LGR4: variants seen among roughly 807,000 people sequenced by gnomAD.
LGR4 encodes the protein leucine-rich repeat-containing G protein-coupled receptor 4.
A neutral mutation model predicts 84.8 loss-of-function variants in LGR4; 44 were observed. The ratio of observed to expected loss-of-function variants is 0.52; its 90% CI spans 0.41 to 0.67. The LOEUF (loss-of-function observed/expected upper bound fraction) is 0.67. LGR4 is among the 30% of genes least tolerant of loss of function. LGR4 has a pLI of 0.00. For missense variants in LGR4, 1,032 were observed against 1,131.4 expected (o/e 0.91, Z 1.26); for synonymous variants, 429 against 434.3 (o/e 0.99, Z 0.15).
intron 1 of LGR4, among the ~76,000 whole-genome samples, chr11:27,455,728 G>A (rs893697897): frequency 8.5e-5 from 13 of 152,080 alleles, no homozygotes; most frequent in East Asian, 1.9e-4. Context: ...ATGGATGAAC[G>A]CCTACATTTA....
At chr11:27,369,963 C>G (rs1229775660) in intron 17 of LGR4, among the ~76,000 whole-genome samples, 1 of 152,140 alleles carries the variant, frequency 6.6e-6, no homozygotes, top group Non-Finnish European at 1.5e-5. Flanking sequence ...CAATAAAATC[C>G]TACATAATAC....
rs182935585 is a variant in LGR4 at position 27,420,441 on chromosome 11, T to A, written c.186-7581A>T. ...AGAGGAACAAAACAAGTAAATACTA[T>A]GACGTGTGACTCAGCAAGTGAAGAT... On this transcript the variant is annotated intron_variant, in intron 1 of 17. Coordinates refer to ENST00000379214, the MANE Select transcript of LGR4 (RefSeq NM_018490.5). Among the ~76,000 whole-genome samples, 72 of 152,246 alleles carry A rather than the reference T, an allele frequency of 4.7e-4. 1 individual carries two copies. The highest frequency in any genetic ancestry group is 1.5e-3 in the African/African-American group (62 of 41,540).
chr11:27,375,998 C>T (rs552000856), intron 13 of LGR4, among the ~76,000 whole-genome samples: 8 of 137,208 alleles, frequency 5.8e-5, no homozygotes, highest in South Asian at 4.5e-4. Context: ...TTTTTTGAGA[C>T]GGAGTTTCAC....
chr11:27,371,473 CA>C, intron 17 of LGR4, 141 bp downstream of exon 17: 1 of 534,534 alleles, frequency 1.9e-6, no homozygotes. Context: ...GGCTGGTACG[CA>C]AAGCACAAAA....
intron 1 of LGR4, among the ~76,000 whole-genome samples, chr11:27,460,083 C>G (rs1457493074): frequency 6.6e-6 from 1 of 151,922 alleles, no homozygotes; most frequent in African/African-American, 2.4e-5. Flanking sequence ...GAACAAGACT[C>G]CGTCTCAAAA....
chr11:27,428,706 G>A (rs1864066558), intron 1 of LGR4, among the ~76,000 whole-genome samples: 1 of 152,092 alleles, frequency 6.6e-6, no homozygotes, highest in Non-Finnish European at 1.5e-5. Flanking sequence ...GAATGTTACT[G>A]ATTAGAGGTT....
intron 2 of LGR4, among the ~76,000 whole-genome samples, chr11:27,402,868 C>T (rs1262830699): frequency 2.0e-5 from 3 of 152,162 alleles, no homozygotes; most frequent in African/African-American, 7.2e-5. Context: ...ACACAGTCAT[C>T]TAGTGATCTT....
At chr11:27,450,055 T>C (rs1343094858) in intron 1 of LGR4, among the ~76,000 whole-genome samples, 2 of 152,238 alleles carry the variant, frequency 1.3e-5, no homozygotes, top group African/African-American at 4.8e-5. Context: ...ATGAATGTGA[T>C]ATTCTGCTTT....
intron 1 of LGR4, among the ~76,000 whole-genome samples, chr11:27,428,997 T>C (rs1864071210): frequency 6.6e-6 from 1 of 152,166 alleles, no homozygotes; most frequent in Non-Finnish European, 1.5e-5. Flanking sequence ...TGTTGGGTCA[T>C]GTGATGTTAT....
At chr11:27,456,381 A>G (rs1175919786) in intron 1 of LGR4, among the ~76,000 whole-genome samples, 1 of 152,210 alleles carries the variant, frequency 6.6e-6, no homozygotes. Context: ...ACTAAATGAA[A>G]TGCCTTGGGG....
chr11:27,368,495 G>C lies in LGR4; in HGVS notation c.2228C>G (p.Ser743Cys), dbSNP rs780003296. Residue 743 changes from serine (S) to cysteine (C), a missense_variant, in exon 18 of 18, where the codon TCT (serine) becomes TGT (cysteine). Physicochemically the swap from Ser to Cys is moderately radical, Grantham distance 112. Transcript: ENST00000379214. ...CCAAGCGACATGCTTAATCATGCTA[G>C]ATTGTGAGTTTTCTGAGAGGTCCTC... ...EKEDLSENSQSSMIKHVAWLI... is the reference protein window; with the variant it reads ...EKEDLSENSQCSMIKHVAWLI... 2 of 1,614,214 alleles carry C rather than the reference G, an allele frequency of 1.2e-6. No individual in the cohort carries two copies. Among genetic ancestry groups the C allele is most frequent in the African/African-American group, 1.3e-5 (1 of 75,058 alleles).
intron 2 of LGR4, among the ~76,000 whole-genome samples, chr11:27,398,565 A>G (rs996309810): frequency 2.0e-5 from 3 of 152,220 alleles, no homozygotes; most frequent in African/African-American, 7.2e-5. Flanking sequence ...ATGAGGATTC[A>G]GTGGCTTTCA....
intron 13 of LGR4, among the ~76,000 whole-genome samples, chr11:27,375,999 G>A (rs1248287543): frequency 1.4e-5 from 2 of 145,260 alleles, no homozygotes; most frequent in South Asian, 2.2e-4. Flanking sequence ...TTTTTGAGAC[G>A]GAGTTTCACT....
chr11:27,438,750 G>C (rs1864252860), intron 1 of LGR4, among the ~76,000 whole-genome samples: 1 of 152,058 alleles, frequency 6.6e-6, no homozygotes, highest in Non-Finnish European at 1.5e-5. Context: ...CTGAGACTTT[G>C]GCCTTCTGAC....
chr11:27,402,281 C>T (rs924891741), intron 2 of LGR4, among the ~76,000 whole-genome samples: 4 of 152,188 alleles, frequency 2.6e-5, no homozygotes, highest in African/African-American at 9.7e-5. Flanking sequence ...CTGAGAAAGA[C>T]AGCTCTACTC....
At chr11:27,402,419 G>A (rs1255858385) in intron 2 of LGR4, among the ~76,000 whole-genome samples, 1 of 151,854 alleles carries the variant, frequency 6.6e-6, no homozygotes, top group East Asian at 1.9e-4. Context: ...AGAAAGTAAG[G>A]AGATACCCTG....
chr11:27,399,624 A>G (rs988119134), intron 2 of LGR4, among the ~76,000 whole-genome samples: 1 of 151,608 alleles, frequency 6.6e-6, no homozygotes, highest in Non-Finnish European at 1.5e-5. Flanking sequence ...GGTTCAAGCA[A>G]TTCTCCTGCC....
intron 1 of LGR4, among the ~76,000 whole-genome samples, chr11:27,434,624 T>C (rs775480225): frequency 6.6e-6 from 1 of 152,168 alleles, no homozygotes; most frequent in African/African-American, 2.4e-5. Context: ...CTAAACGCAG[T>C]GGCTAAAGAC....
Position 27,368,183 on chromosome 11 carries a change from A to G in LGR4, c.2540T>C (p.Met847Thr), listed in dbSNP as rs532791432. The G allele has an allele frequency of 4.5e-5, 73 of 1,614,234 alleles. No homozygotes were observed. The South Asian group carries it at 6.8e-4, about 15-fold the overall frequency. The change falls in exon 18 of 18, where the codon ATG becomes ACG. Residue 847 changes from methionine to threonine, a missense_variant. Coordinates refer to ENST00000379214, the MANE Select transcript of LGR4 (RefSeq NM_018490.5). ...LEQDFYYDCG[M>T]YSHLQGNLTV... ...CAGGTTGCCCTGCAAATGTGAGTACATGCCACAGTCGTAGTAGAAATCCTG... is the reference window on the plus strand; with the variant it reads ...CAGGTTGCCCTGCAAATGTGAGTACGTGCCACAGTCGTAGTAGAAATCCTG...
Sources: gnomAD v4.1 joint callset for allele counts (sites outside exome capture counted in the v4.1 genomes callset) on GRCh38, gnomAD v4.1.1 for gene constraint, MANE v1.5 for transcripts, NCBI Gene and HGNC (gene_info 2026-07-23, HGNC 2026-07-21) for gene names.